PLCH1: variants seen among roughly 807,000 people sequenced by gnomAD.
PLCH1 encodes 1-phosphatidylinositol 4,5-bisphosphate phosphodiesterase eta-1.
In PLCH1, 60 loss-of-function variants were observed where a neutral mutation model predicts 126.7. The ratio of observed to expected loss-of-function variants is 0.47; its 90% CI spans 0.38 to 0.59. The LOEUF (loss-of-function observed/expected upper bound fraction) is 0.59, where lower values mean the gene tolerates loss of function less well. Among genes scored for constraint, PLCH1 ranks in the 20% least tolerant of loss-of-function variants. The pLI, the probability that PLCH1 is intolerant of heterozygous loss-of-function variation, is 0.00. For synonymous variants in PLCH1, 719 were observed against 734.9 expected (o/e 0.98, Z 0.35); for missense variants, 1,723 against 2,040.0 (o/e 0.84, Z 2.99).
chr3:155,631,259 C>A (rs1165498682), intron 2 of PLCH1, among the ~76,000 whole-genome samples: 1 of 152,130 alleles, frequency 6.6e-6, no homozygotes, highest in African/African-American at 2.4e-5. Context: ...AGATGGCACT[C>A]TTGCATATTA....
intron 2 of PLCH1, among the ~76,000 whole-genome samples, chr3:155,666,874 AATG>A (rs753500632): frequency 1.1e-4 from 16 of 151,556 alleles, no homozygotes; most frequent in South Asian, 2.1e-4. Flanking sequence ...AGAAAAAGGA[AATG>A]ATGAGACACA....
intron 2 of PLCH1, among the ~76,000 whole-genome samples, chr3:155,660,228 G>A (rs905274300): frequency 2.0e-5 from 3 of 152,148 alleles, no homozygotes; most frequent in African/African-American, 7.2e-5. Context: ...GCAGAGCCAC[G>A]GCCTGCCTGG....
chr3:155,488,204 C>CTT (rs58693862), intron 20 of PLCH1, 97 bp from the exon 21 acceptor site: 6,320 of 576,106 alleles, frequency 0.011, 1 homozygote, highest in East Asian at 0.015. Context: ...GACTGTAGTT[C>CTT]TTTTTTTTTT....
chr3:155,533,699 C>T (rs1456712363), intron 10 of PLCH1, among the ~76,000 whole-genome samples: 1 of 152,192 alleles, frequency 6.6e-6, no homozygotes, highest in Non-Finnish European at 1.5e-5. Flanking sequence ...CATGGCAGCC[C>T]CTCCCATCAC....
At chr3:155,632,089 G>A (rs921439586) in intron 2 of PLCH1, among the ~76,000 whole-genome samples, 11 of 152,124 alleles carry the variant, frequency 7.2e-5, no homozygotes, top group African/African-American at 2.7e-4. Context: ...ACATCTTTCA[G>A]TAGTTTCACA....
chr3:155,527,872 A>G (rs1722165823), intron 10 of PLCH1, among the ~76,000 whole-genome samples: 1 of 141,470 alleles, frequency 7.1e-6, no homozygotes, highest in Non-Finnish European at 1.5e-5. Flanking sequence ...GTGAGCCAAG[A>G]TCGTCCCACT....
At chr3:155,725,822 G>A (rs536484728) in intron 1 of PLCH1, among the ~76,000 whole-genome samples, 1 of 152,108 alleles carries the variant, frequency 6.6e-6, no homozygotes, top group Non-Finnish European at 1.5e-5. Flanking sequence ...TATGATTAGT[G>A]ATACAATGGA....
At chr3:155,543,694 C>G (rs1041171564) in intron 10 of PLCH1, among the ~76,000 whole-genome samples, 1 of 151,940 alleles carries the variant, frequency 6.6e-6, no homozygotes, top group Non-Finnish European at 1.5e-5. Context: ...GATCTCTCGG[C>G]AGAAACTCTA....
At chr3:155,464,831 C>T (rs1712868460) in intron 21 of PLCH1, among the ~76,000 whole-genome samples, 1 of 152,140 alleles carries the variant, frequency 6.6e-6, no homozygotes, top group South Asian at 2.1e-4. Flanking sequence ...AGAGTGACAG[C>T]CGGGCACGGT....
chr3:155,464,219 G>T (rs1284660909), intron 21 of PLCH1, among the ~76,000 whole-genome samples: 2 of 152,190 alleles, frequency 1.3e-5, no homozygotes, highest in African/African-American at 2.4e-5. Flanking sequence ...CTTGAAGAAT[G>T]CATTGGGCAA....
intron 21 of PLCH1, among the ~76,000 whole-genome samples, chr3:155,451,349 T>C (rs533485281): frequency 6.6e-6 from 1 of 152,092 alleles, no homozygotes; most frequent in Non-Finnish European, 1.5e-5. Flanking sequence ...TAATGTTAAG[T>C]GAAGAAAATT....
intron 2 of PLCH1, among the ~76,000 whole-genome samples, chr3:155,621,861 T>C (rs1736559146): frequency 6.6e-6 from 1 of 151,934 alleles, no homozygotes. Context: ...CAGGAGAACC[T>C]CCCCAAACTA....
rs1032501760 is a variant in PLCH1 at position 155,486,242 on chromosome 3, A to G, written c.2620-532T>C. The G allele has an allele frequency of 3.8e-6, 5 of 1,300,828 alleles. No homozygotes were observed. The African/African-American group carries it at 7.4e-5, about 19-fold the overall frequency. The allele number at this position is 1,300,828 out of a possible 1,614,324, so 80.6% of individuals were successfully genotyped here. On this transcript the variant is annotated intron_variant, in intron 21 of 22. Coordinates refer to ENST00000460012, the MANE Select transcript of PLCH1 (RefSeq NM_014996.4). Reference sequence around the variant, plus strand: ...AAAAAACAAAACACAACAAAACACAATTGGGGCTCATTGAAGAGGGTGTCA... The same window carrying G: ...AAAAAACAAAACACAACAAAACACAGTTGGGGCTCATTGAAGAGGGTGTCA...
intron 2 of PLCH1, 150 bp from the exon 3 acceptor site, chr3:155,596,528 G>T: frequency 2.3e-5 from 10 of 442,502 alleles, no homozygotes; most frequent in East Asian, 4.3e-5. Context: ...AAAGTGAGTT[G>T]TTAAGGAATT....
chr3:155,506,369 T>C (rs1053780852), intron 12 of PLCH1, among the ~76,000 whole-genome samples: 3 of 147,816 alleles, frequency 2.0e-5, no homozygotes, highest in African/African-American at 5.1e-5. Flanking sequence ...TTTTTTATTA[T>C]ACTTTAAGTT....
At position 155,523,951 on chromosome 3, in the gene PLCH1, A is replaced by G. The variant is rs9840234; in HGVS notation, c.1416T>C (p.Ser472=). 0.74 allele frequency: 1,185,726 copies of G among 1,607,236 alleles called. 439,323 individuals carry two copies. Among genetic ancestry groups the G allele is most frequent in the East Asian group, 0.95 (42,561 of 44,692 alleles). ...CAATTTCATCTGCACTGTCCTCATCAGAAACTTCCCCTTCCTCTGCATCAT... is the reference window on the plus strand; with the variant it reads ...CAATTTCATCTGCACTGTCCTCATCGGAAACTTCCCCTTCCTCTGCATCAT... ...LGDDAEEGEV[S]DEDSADEIED... is the part of the protein sequence containing the mutation. The change falls in exon 11 of 23, where the codon TCT becomes TCC. Residue 472 remains serine (S), a synonymous_variant. Transcript: ENST00000460012.
chr3:155,525,370 G>C (rs995618350), intron 10 of PLCH1, among the ~76,000 whole-genome samples: 2 of 152,064 alleles, frequency 1.3e-5, no homozygotes, highest in African/African-American at 4.8e-5. Flanking sequence ...CTTCTGTCAC[G>C]TGAGGACAAA....
intron 2 of PLCH1, among the ~76,000 whole-genome samples, chr3:155,603,845 C>A (rs1325721015): frequency 6.6e-6 from 1 of 151,982 alleles, no homozygotes; most frequent in East Asian, 1.9e-4. Context: ...CACCTGTAAT[C>A]CCAGCACTTT....
chr3:155,641,034 T>G (rs541670609), intron 2 of PLCH1, among the ~76,000 whole-genome samples: 47 of 152,110 alleles, frequency 3.1e-4, no homozygotes, highest in Admixed American at 1.4e-3. Context: ...TGATTATAAA[T>G]GAATATTAAG....
Sources: gnomAD v4.1 joint callset for allele counts (sites outside exome capture counted in the v4.1 genomes callset) on GRCh38, gnomAD v4.1.1 for gene constraint, MANE v1.5 for transcripts, NCBI Gene and HGNC (gene_info 2026-07-23, HGNC 2026-07-21) for gene names.